POLK: variants seen among roughly 807,000 people sequenced by gnomAD.
The protein encoded by POLK is DNA polymerase kappa.
Under a neutral mutation model 94.0 loss-of-function variants are expected in POLK, and 76 were observed. The observed-to-expected ratio is 0.81, with a 90% CI of 0.67 to 0.98. POLK has a LOEUF of 0.98. Among genes scored for constraint, POLK ranks in the 50% least tolerant of loss-of-function variants. The probability of loss-of-function intolerance (pLI) is 0.00; values close to 1 mark genes in which losing one functional copy is unlikely to be tolerated. For missense variants in POLK, 954 were observed against 1,010.1 expected (o/e 0.94, Z 0.75); for synonymous variants, 349 against 325.4 (o/e 1.07, Z -0.78).
Position 75,581,154 on chromosome 5 carries a change from A to G in POLK, c.695-55A>G, listed in dbSNP as rs1772172684. On this transcript the variant is annotated intron_variant, in intron 6 of 14. Transcript: ENST00000241436. ...GAAATAATGTAGGGAAACCTAACTT[A>G]TGAAGTATATACTTCTTAAAATAAA... 4.0e-6 allele frequency: 5 copies of G among 1,259,284 alleles called. No homozygotes were observed. The South Asian group carries it at 6.6e-5, about 17-fold the overall frequency. 78.0% of individuals were successfully genotyped at this position (1,259,284 alleles called of 1,614,324 possible).
intron 11 of POLK, among the ~76,000 whole-genome samples, chr5:75,592,429 G>C (rs911721573): frequency 4.6e-5 from 7 of 152,088 alleles, no homozygotes; most frequent in Non-Finnish European, 1.0e-4. Flanking sequence ...AATTCAGTTG[G>C]GGGGCCAGGC....
At chr5:75,543,795 C>G (rs1769871949) in intron 1 of POLK, among the ~76,000 whole-genome samples, 1 of 152,106 alleles carries the variant, frequency 6.6e-6, no homozygotes, top group African/African-American at 2.4e-5. Context: ...TCTTTTGATT[C>G]AAGCACCAAA....
At chr5:75,515,320 A>G (rs1768273307) in intron 1 of POLK, among the ~76,000 whole-genome samples, 1 of 152,260 alleles carries the variant, frequency 6.6e-6, no homozygotes, top group Non-Finnish European at 1.5e-5. Flanking sequence ...ATTAGAAATT[A>G]TAATAAAAAT....
intron 10 of POLK, among the ~76,000 whole-genome samples, chr5:75,588,348 A>G (rs982245202): frequency 9.9e-5 from 15 of 152,224 alleles, no homozygotes; most frequent in African/African-American, 3.4e-4. Flanking sequence ...CTCATAATCA[A>G]TAAAAAGGAA....
At chr5:75,588,815 C>G (rs902353904) in intron 10 of POLK, among the ~76,000 whole-genome samples, 3 of 152,336 alleles carry the variant, frequency 2.0e-5, no homozygotes, top group Admixed American at 6.5e-5. Context: ...TTCTCTGACT[C>G]TAACCCTCCT....
At chr5:75,570,536 G>C (rs1327082581) in intron 4 of POLK, among the ~76,000 whole-genome samples, 1 of 152,162 alleles carries the variant, frequency 6.6e-6, no homozygotes, top group Non-Finnish European at 1.5e-5. Context: ...GCCAACCCTA[G>C]TTCTGGAATA....
chr5:75,515,290 G>T (rs1394016990), intron 1 of POLK, among the ~76,000 whole-genome samples: 1 of 152,132 alleles, frequency 6.6e-6, no homozygotes, highest in Non-Finnish European at 1.5e-5. Context: ...GCAATAAAGG[G>T]ATAGTGGAAA....
At chr5:75,517,404 T>C (rs1022760208) in intron 1 of POLK, among the ~76,000 whole-genome samples, 1 of 152,198 alleles carries the variant, frequency 6.6e-6, no homozygotes, top group Non-Finnish European at 1.5e-5. Context: ...GTAAATGTTA[T>C]GCTCTAACAG....
Position 75,592,712 on chromosome 5 carries a change from AC to A in POLK, c.1357-1165del, listed in dbSNP as rs1408100082. ...TCTGTCTAAAACAACAAAAAAAAAA[AC>A]AAACAAAAAAATTCAGTTGGGAAGG... On this transcript the variant is annotated intron_variant, in intron 11 of 14. Coordinates refer to ENST00000241436, the Ensembl canonical transcript of POLK. Among the ~76,000 whole-genome samples, 10 of 150,906 alleles carry A rather than the reference AC, an allele frequency of 6.6e-5. No individual in the cohort carries two copies. In the East Asian group the frequency reaches 9.9e-4, roughly 15 times the overall value.
At chr5:75,561,476 A>G (rs1770973151) in intron 3 of POLK, among the ~76,000 whole-genome samples, 1 of 152,188 alleles carries the variant, frequency 6.6e-6, no homozygotes, top group African/African-American at 2.4e-5. Context: ...CTCTGCTGAT[A>G]GTTTATTCTG....
At chr5:75,601,436 T>C (rs1403931161), downstream of POLK, among the ~76,000 whole-genome samples, 1 of 152,180 alleles carries the variant, frequency 6.6e-6, no homozygotes, top group Non-Finnish European at 1.5e-5. Flanking sequence ...TGCAAAATAT[T>C]GTTCCTGGGT....
intron 1 of POLK, among the ~76,000 whole-genome samples, chr5:75,526,621 G>A (rs1444403992): frequency 7.3e-5 from 10 of 137,112 alleles, no homozygotes; most frequent in Admixed American, 1.6e-4. Flanking sequence ...TCGCTCCGTC[G>A]CCCAGGCTGG....
chr5:75,560,976 A>G (rs1044774546), intron 3 of POLK, among the ~76,000 whole-genome samples: 1 of 152,178 alleles, frequency 6.6e-6, no homozygotes, highest in Non-Finnish European at 1.5e-5. Context: ...GTAAACATAC[A>G]TGTACATGTG....
intron 1 of POLK, 92 bp from the exon 2 acceptor site, chr5:75,546,918 C>T (rs920108702): frequency 2.3e-5 from 12 of 531,604 alleles, no homozygotes; most frequent in East Asian, 1.9e-4. Context: ...CTGCCCGCCT[C>T]GGCCTCCCAA....
intron 1 of POLK, among the ~76,000 whole-genome samples, chr5:75,539,122 T>A (rs772610295): frequency 6.6e-6 from 1 of 152,322 alleles, no homozygotes; most frequent in South Asian, 2.1e-4. Flanking sequence ...CCAAATGGAC[T>A]GTCAGTATTT....
At chr5:75,541,240 G>A (rs776972002) in intron 1 of POLK, among the ~76,000 whole-genome samples, 11 of 151,894 alleles carry the variant, frequency 7.2e-5, no homozygotes, top group Admixed American at 3.9e-4. Flanking sequence ...GCCGTGAGCC[G>A]ATATCGCACC....
At chr5:75,602,162 A>G (rs1009014324), downstream of POLK, among the ~76,000 whole-genome samples, 9 of 152,134 alleles carry the variant, frequency 5.9e-5, no homozygotes, top group African/African-American at 1.9e-4. Context: ...AGCTCAACCA[A>G]TCCTTGGTGT....
At chr5:75,571,342 GT>G (rs1771586679) in intron 4 of POLK, among the ~76,000 whole-genome samples, 1 of 152,116 alleles carries the variant, frequency 6.6e-6, no homozygotes, top group South Asian at 2.1e-4. Flanking sequence ...TTTTTGAAAT[GT>G]TCTAACTTGG....
At chr5:75,560,865 G>A (rs572906045) in intron 3 of POLK, among the ~76,000 whole-genome samples, 12 of 152,186 alleles carry the variant, frequency 7.9e-5, no homozygotes, top group African/African-American at 2.4e-4. Flanking sequence ...TTATGGCTGC[G>A]TAGTATTCCA....
Sources: gnomAD v4.1 joint callset for allele counts (sites outside exome capture counted in the v4.1 genomes callset) on GRCh38, gnomAD v4.1.1 for gene constraint, MANE v1.5 for transcripts, NCBI Gene and HGNC (gene_info 2026-07-23, HGNC 2026-07-21) for gene names.